DENND2C: variants seen among roughly 807,000 people sequenced by gnomAD.
The protein encoded by DENND2C is DENN domain-containing protein 2C.
DENND2C carries 72 observed loss-of-function variants against 112.4 expected under a neutral mutation model. The ratio of observed to expected loss-of-function variants is 0.64; its 90% confidence interval spans 0.53 to 0.78. The LOEUF is 0.78. Among genes scored for constraint, DENND2C ranks in the 30% least tolerant of loss-of-function variants. DENND2C has a pLI of 0.00. For synonymous variants in DENND2C, 329 were observed against 381.6 expected, an observed-to-expected ratio of 0.86 and a Z score of 1.61; for missense variants, 992 against 1,113.8, an observed-to-expected ratio of 0.89 and a Z score of 1.56.
chr1:114,657,411 A>T (rs2101695254), intron 1 of DENND2C, among the ~76,000 whole-genome samples: 1 of 152,340 alleles, frequency 6.6e-6, no homozygotes, highest in East Asian at 1.9e-4. Context: ...AGCGTAAGTC[A>T]GTTCTCAGAC....
intron 16 of DENND2C, among the ~76,000 whole-genome samples, chr1:114,597,545 G>A (rs1655376756): frequency 6.6e-6 from 1 of 151,994 alleles, no homozygotes; most frequent in Admixed American, 6.6e-5. Context: ...ACTTTGGGAG[G>A]CCGAAGAAGG....
chr1:114,661,106 C>A (rs75669980), intron 1 of DENND2C, among the ~76,000 whole-genome samples: 2,255 of 101,530 alleles, frequency 0.022, 12 homozygotes, highest in Middle Eastern at 0.035. Flanking sequence ...GACTCCGTCT[C>A]AAAAAAAAAA....
intron 11 of DENND2C, among the ~76,000 whole-genome samples, chr1:114,604,717 T>C (rs1655610747): frequency 6.6e-6 from 1 of 152,164 alleles, no homozygotes; most frequent in Non-Finnish European, 1.5e-5. Flanking sequence ...TGTTTTCCTT[T>C]TGACACTGAA....
chr1:114,665,425 G>A (rs1657621288), intron 1 of DENND2C, among the ~76,000 whole-genome samples: 1 of 152,106 alleles, frequency 6.6e-6, no homozygotes, highest in Non-Finnish European at 1.5e-5. Flanking sequence ...TAATACTTTG[G>A]GCAATACAGA....
intron 10 of DENND2C, 135 bp from the exon 11 acceptor site, chr1:114,605,166 T>G (rs929358471): frequency 4.1e-5 from 24 of 578,744 alleles, no homozygotes; most frequent in Non-Finnish European, 6.8e-5. Context: ...CAGCATGGTT[T>G]TGTACTGCTT....
At chr1:114,652,305 A>G (rs1323781475) in intron 2 of DENND2C, among the ~76,000 whole-genome samples, 1 of 152,210 alleles carries the variant, frequency 6.6e-6, no homozygotes, top group African/African-American at 2.4e-5. Flanking sequence ...ATATATCTAT[A>G]TACCTGCTAT....
intron 1 of DENND2C, among the ~76,000 whole-genome samples, chr1:114,666,305 C>T (rs1657647205): frequency 6.6e-6 from 1 of 152,200 alleles, no homozygotes; most frequent in South Asian, 2.1e-4. Context: ...AATTCAGCCT[C>T]CAAACCATTT....
At chr1:114,588,714 C>G (rs1484498404) in intron 18 of DENND2C, among the ~76,000 whole-genome samples, 13 of 152,300 alleles carry the variant, frequency 8.5e-5, no homozygotes, top group Admixed American at 7.8e-4. Context: ...TATTTCCCCA[C>G]CAAATAAGTT....
intron 10 of DENND2C, among the ~76,000 whole-genome samples, chr1:114,605,942 T>C (rs1655647053): frequency 6.6e-6 from 1 of 152,250 alleles, no homozygotes; most frequent in African/African-American, 2.4e-5. Flanking sequence ...TCTGGTACTG[T>C]ACTTATATGA....
chr1:114,622,281 T>C (rs1310582545), intron 6 of DENND2C, among the ~76,000 whole-genome samples: 1 of 151,976 alleles, frequency 6.6e-6, no homozygotes, highest in South Asian at 2.1e-4. Context: ...ATCCGGCTAA[T>C]TTTTTCTTTT....
At chr1:114,639,118 T>C (rs1656745083) in intron 3 of DENND2C, among the ~76,000 whole-genome samples, 1 of 151,928 alleles carries the variant, frequency 6.6e-6, no homozygotes, top group Admixed American at 6.6e-5. Flanking sequence ...AACATGCAAA[T>C]TAAAACACAA....
chr1:114,597,194 A>G (rs755258650), intron 16 of DENND2C, among the ~76,000 whole-genome samples: 2 of 152,204 alleles, frequency 1.3e-5, no homozygotes, highest in Non-Finnish European at 2.9e-5. Flanking sequence ...CAGTAATCCC[A>G]GCACTTTGGG....
At chr1:114,593,941 C>T (rs531273888) in intron 18 of DENND2C, among the ~76,000 whole-genome samples, 21 of 152,276 alleles carry the variant, frequency 1.4e-4, no homozygotes, top group African/African-American at 4.8e-4. Context: ...ATGCCTGATA[C>T]AGTATAAACA....
Position 114,600,288 on chromosome 1 carries a change from T to G in DENND2C, c.2021A>C (p.Lys674Thr), listed in dbSNP as rs1204274321. 6.2e-7 allele frequency: 1 copy of G among 1,614,072 alleles called. No individual in the cohort carries two copies. The highest frequency in any genetic ancestry group is 1.7e-5 in the Admixed American group (1 of 59,992). ...GATGAGATGACACACACTCAGGCAC[T>G]TAAAGAGACATTTAAAATCAACATG... ...LEHVDFKCLF[K>T]CLSVCHLIRV... The change falls in exon 15 of 21, where the codon AAG (lysine) becomes ACG (threonine). Residue 674 changes from lysine (K) to threonine (T), a missense_variant. Physicochemically the swap from Lys to Thr is moderately conservative, Grantham distance 78. This residue lies in a region of DENND2C where 516 missense variants were observed against 623.6 expected (regional missense o/e 0.83). Transcript: ENST00000393274.
intron 7 of DENND2C, 151 bp from the exon 8 acceptor site, chr1:114,618,633 T>G: frequency 2.2e-6 from 1 of 462,604 alleles, no homozygotes; most frequent in Non-Finnish European, 3.8e-6. Context: ...TTTAAAATGA[T>G]GATCTTTAAT....
rs1471615841 is a variant in DENND2C at position 114,625,167 on chromosome 1, A to G, written c.806+12T>C. The G allele has an allele frequency of 1.3e-6, 2 of 1,587,714 alleles. No homozygotes were observed. The highest frequency in any genetic ancestry group is 2.3e-5 in the South Asian group (2 of 86,130). The stretch of plus-strand genomic sequence containing the variant: ...ATACCTACAAGTCTTTATCTGTAGG[A>G]TAAAAACATACCTTTTAGATCTTCC... On this transcript the variant is annotated intron_variant, in intron 4 of 20. Coordinates refer to ENST00000393274, the MANE Select transcript of DENND2C (RefSeq NM_001256404.2).
intron 3 of DENND2C, among the ~76,000 whole-genome samples, chr1:114,639,339 G>A (rs1656752041): frequency 6.6e-6 from 1 of 151,944 alleles, no homozygotes; most frequent in African/African-American, 2.4e-5. Flanking sequence ...TCAGCACTTC[G>A]GGAGGCTGAG....
chr1:114,588,174 A>G (rs1281888129), intron 18 of DENND2C, among the ~76,000 whole-genome samples: 1 of 152,120 alleles, frequency 6.6e-6, no homozygotes, highest in African/African-American at 2.4e-5. Context: ...CTCCTTCTAC[A>G]TCTTGCAACC....
chr1:114,627,228 T>C (rs1270562103), intron 3 of DENND2C, among the ~76,000 whole-genome samples: 1 of 152,184 alleles, frequency 6.6e-6, no homozygotes, highest in Non-Finnish European at 1.5e-5. Context: ...ACCGTTTCCT[T>C]ATATGTAAGC....
Sources: allele counts gnomAD v4.1 joint callset (sites outside exome capture counted in the v4.1 genomes callset), GRCh38; gene constraint gnomAD v4.1.1; regional missense constraint gnomAD v4.1.1; transcripts MANE v1.5; gene names NCBI Gene and HGNC (gene_info 2026-07-23, HGNC 2026-07-21).